The following TSPAN32 variants were observed in gnomAD, a reference collection of about 807,000 sequenced individuals.
TSPAN32 encodes the protein tetraspanin 32, also known as tetraspanin-32.
A neutral mutation model predicts 42.7 loss-of-function variants in TSPAN32; 47 were observed. That is an observed-to-expected ratio of 1.10 (90% CI 0.87 to 1.40). The LOEUF (loss-of-function observed/expected upper bound fraction) is 1.40. Among genes scored for constraint, TSPAN32 ranks in the 40% most tolerant of loss-of-function variants. The pLI, the probability that TSPAN32 is intolerant of heterozygous loss-of-function variation, is 0.00. For missense variants in TSPAN32, 469 were observed against 424.1 expected (o/e 1.11, Z -0.93); for synonymous variants, 175 against 175.9 (o/e 0.99, Z 0.04).
In TSPAN32 at chr11:2,308,851, C is replaced by G. The variant is rs749749185; in HGVS notation, c.354+41C>G. The G allele has an allele frequency of 1.5e-5, 20 of 1,322,932 alleles. No individual in the cohort carries two copies. In the Admixed American group the frequency reaches 3.5e-4, roughly 23 times the overall value. The allele number at this position is 1,322,932 out of a possible 1,614,324, so 81.9% of individuals were successfully genotyped here. A position where few individuals can be genotyped will look rare whatever the true frequency, so the allele number is the denominator to read the frequency against. On this transcript the variant is annotated intron_variant, in intron 4 of 9. Transcript: ENST00000182290. ...CCCTACCCTGCAGTGGAGGGTCCCC[C>G]AGTAAGCCAGTGGGCACCTGGGGAC...
Position 2,305,376 on chromosome 11 carries a change from C to CCCA in TSPAN32, c.279+1174_279+1175insACC, listed in dbSNP as rs767487637. On this transcript the variant is annotated intron_variant, in intron 3 of 9. Coordinates refer to ENST00000182290, the MANE Select transcript of TSPAN32 (RefSeq NM_139022.3). ...ATGACAAGGCAGGTAGTCTGCCCCC[C>CCCA]CCCCCAGAGGGTGTGTGGCCTGCAA... 8.0e-5 allele frequency among the ~76,000 whole-genome samples: 12 copies of CCCA among 150,436 alleles called. 2 individuals are homozygous for CCCA. In the South Asian group the frequency reaches 8.4e-4, roughly 11 times the overall value.
At chr11:2,312,266 C>A (rs940096082) in intron 4 of TSPAN32, among the ~76,000 whole-genome samples, 2 of 152,226 alleles carry the variant, frequency 1.3e-5, no homozygotes, top group Non-Finnish European at 2.9e-5. Context: ...ACCCCCGGGC[C>A]CACTCCGCTG....
rs1326267381 is a variant in TSPAN32, at chr11:2,313,786, G to A, written c.456+31G>A. 2.0e-5 allele frequency: 30 copies of A among 1,528,482 alleles called. No homozygotes were observed. The highest frequency in any genetic ancestry group is 1.7e-4 in the Middle Eastern group (1 of 5,796). 94.7% of individuals were successfully genotyped at this position (1,528,482 alleles called of 1,614,324 possible). On this transcript the variant is annotated intron_variant, in intron 5 of 9. Coordinates refer to ENST00000182290, the MANE Select transcript of TSPAN32 (RefSeq NM_139022.3). This position sits in a 1 kb window ranked among gnomAD's most constrained non-coding sequence, Gnocchi z 9.1. ...CGTGGGGACGGCTGGGTGGCAGGGC[G>A]GTCAGCTTCTGCTTGGACTGCAGTT...
chr11:2,305,285 T>C (rs910180487), intron 3 of TSPAN32, among the ~76,000 whole-genome samples: 2 of 151,068 alleles, frequency 1.3e-5, no homozygotes, highest in Non-Finnish European at 2.9e-5. Context: ...CACACGAGCA[T>C]GGGCAGGGAC....
At chr11:2,309,460 GA>G (rs1848337454) in intron 4 of TSPAN32, 2 of 433,904 alleles carry the variant, frequency 4.6e-6, no homozygotes, top group African/African-American at 4.0e-5. Context: ...AGCAGAGAAT[GA>G]GAGCTCGGTA....
At chr11:2,316,728 C>T in intron 8 of TSPAN32, 61 bp downstream of exon 8, 2 of 1,478,776 alleles carry the variant, frequency 1.4e-6, no homozygotes, top group South Asian at 2.8e-5. Flanking sequence ...GCTCGAGAGG[C>T]ATCTGCTCTG....
chr11:2,315,502 C>T, intron 6 of TSPAN32: 2 of 1,158,104 alleles, frequency 1.7e-6, no homozygotes, highest in Non-Finnish European at 2.2e-6. Context: ...GATGGCAGGG[C>T]CATGGGCCCG....
At chr11:2,303,758 G>C (rs1401723206) in intron 2 of TSPAN32, among the ~76,000 whole-genome samples, 7 of 152,154 alleles carry the variant, frequency 4.6e-5, no homozygotes, top group Admixed American at 3.9e-4. Context: ...CTAGGACATG[G>C]CAGGAGGATG....
At position 2,315,410 on chromosome 11, in the gene TSPAN32, G is replaced by A; in HGVS notation, c.544-819G>A. The A allele has an allele frequency of 2.6e-6, 3 of 1,140,778 alleles. No homozygotes were observed. The South Asian group carries it at 5.5e-5, about 21-fold the overall frequency. 70.7% of individuals were successfully genotyped at this position (1,140,778 alleles called of 1,614,324 possible). ...GCATTGGGGGCAGGGCTAACAGTCA[G>A]GACCCCTGTGCCACCCAAGGAGAGA... is the stretch of plus-strand genomic sequence containing the variant. On this transcript the variant is annotated intron_variant, in intron 6 of 9. Coordinates refer to ENST00000182290, the MANE Select transcript of TSPAN32 (RefSeq NM_139022.3).
intron 6 of TSPAN32, 157 bp from the exon 7 acceptor site, chr11:2,316,072 G>A (rs1416710676): frequency 3.1e-5 from 47 of 1,532,980 alleles, no homozygotes; most frequent in Non-Finnish European, 4.1e-5. Flanking sequence ...CCTTTCCCTA[G>A]AGCCCTGGGG....
chr11:2,317,622 G>A lies in TSPAN32; in HGVS notation c.901+97G>A. The A allele has an allele frequency of 6.7e-7, 1 of 1,495,262 alleles. No homozygotes were observed. Among genetic ancestry groups the A allele is most frequent in the Non-Finnish European group, 8.9e-7 (1 of 1,127,090 alleles). The allele number at this position is 1,495,262 out of a possible 1,614,324, so 92.6% of individuals were successfully genotyped here. A position where few individuals can be genotyped will look rare whatever the true frequency, so the allele number is the denominator to read the frequency against. ...AGTGAAGGCCCAGCCAGAGAGCCAG[G>A]CTCCATTGGGAACAGATGCAAGGGT... is the stretch of plus-strand genomic sequence containing the variant. On this transcript the variant is annotated intron_variant, in intron 9 of 9. Coordinates refer to ENST00000182290, the MANE Select transcript of TSPAN32 (RefSeq NM_139022.3). The surrounding 1 kb of genome is among the most constrained non-coding windows in gnomAD (Gnocchi z 6.2).
intron 1 of TSPAN32, 38 bp from the exon 2 acceptor site, chr11:2,302,806 G>A (rs1847835906): frequency 1.8e-5 from 29 of 1,577,666 alleles, no homozygotes; most frequent in Non-Finnish European, 2.3e-5. Flanking sequence ...TCCTGCAGCA[G>A]TCCCATGCCC....
At chr11:2,312,568 G>A (rs1848524569) in intron 4 of TSPAN32, among the ~76,000 whole-genome samples, 1 of 152,204 alleles carries the variant, frequency 6.6e-6, no homozygotes, top group Non-Finnish European at 1.5e-5. Context: ...TCCTGTTGGG[G>A]CCTCCAGGCT....
chr11:2,316,484 C>T, intron 7 of TSPAN32, 92 bp from the exon 8 acceptor site: 1 of 1,595,810 alleles, frequency 6.3e-7, no homozygotes, highest in South Asian at 1.1e-5. Flanking sequence ...TACAGCTGGG[C>T]CGCCCCCTTA....
At chr11:2,303,710 G>A (rs1192411631) in intron 2 of TSPAN32, among the ~76,000 whole-genome samples, 9 of 152,122 alleles carry the variant, frequency 5.9e-5, no homozygotes, top group Admixed American at 2.0e-4. Context: ...TCCAGGTCCG[G>A]ACTGATAAGA....
rs1848560245 is a variant in TSPAN32 at position 2,313,067 on chromosome 11, C to T, written c.355-587C>T. On this transcript the variant is annotated intron_variant, in intron 4 of 9. Coordinates refer to ENST00000182290, the MANE Select transcript of TSPAN32 (RefSeq NM_139022.3). This position sits in a 1 kb window ranked among gnomAD's most constrained non-coding sequence, Gnocchi z 9.1. ...GGCAGCACATCCAGCCAGGCCCCGT[C>T]ACCTTCCACCTTCTTCACCCCCTGC... Among the ~76,000 whole-genome samples the T allele has an allele frequency of 6.6e-6, 1 of 152,212 alleles. No homozygotes were observed. The highest frequency in any genetic ancestry group is 2.1e-4 in the South Asian group (1 of 4,832).
At position 2,313,790 on chromosome 11, in the gene TSPAN32, A is replaced by G. The variant is rs1261389583; in HGVS notation, c.456+35A>G. 6.6e-7 allele frequency: 1 copy of G among 1,521,186 alleles called. No individual in the cohort carries two copies. Among genetic ancestry groups the G allele is most frequent in the East Asian group, 2.4e-5 (1 of 41,790 alleles). The allele number at this position is 1,521,186 out of a possible 1,614,324, so 94.2% of individuals were successfully genotyped here. A position where few individuals can be genotyped will look rare whatever the true frequency, so the allele number is the denominator to read the frequency against. On this transcript the variant is annotated intron_variant, in intron 5 of 9. Transcript: ENST00000182290. The surrounding 1 kb of genome is among the most constrained non-coding windows in gnomAD (Gnocchi z 9.1). Reference sequence around the variant, plus strand: ...GGGACGGCTGGGTGGCAGGGCGGTCAGCTTCTGCTTGGACTGCAGTTCAGA... The same window carrying G: ...GGGACGGCTGGGTGGCAGGGCGGTCGGCTTCTGCTTGGACTGCAGTTCAGA...
At chr11:2,303,083 C>CA in intron 2 of TSPAN32, 125 bp downstream of exon 2, 5 of 871,108 alleles carry the variant, frequency 5.7e-6, no homozygotes, top group Non-Finnish European at 7.0e-6. Flanking sequence ...CAGAGGTGGT[C>CA]AGGGGCAGGG....
intron 1 of TSPAN32, 97 bp from the exon 2 acceptor site, chr11:2,302,747 G>A: frequency 2.1e-6 from 2 of 956,366 alleles, no homozygotes; most frequent in Non-Finnish European, 3.2e-6. Context: ...CACGGGACCG[G>A]GAAGCTGGAG....
Sources: gnomAD v4.1 joint callset for allele counts (sites outside exome capture counted in the v4.1 genomes callset) on GRCh38, gnomAD v4.1.1 for gene constraint, Gnocchi (gnomAD v3.1) non-coding constraint, MANE v1.5 for transcripts, NCBI Gene and HGNC (gene_info 2026-07-23, HGNC 2026-07-21) for gene names.